The following APLF variants were observed in gnomAD, a reference collection of about 807,000 sequenced individuals.
APLF encodes the protein aprataxin and PNKP like factor.
Under a neutral mutation model 55.6 loss-of-function variants are expected in APLF, and 61 were observed. That is an observed-to-expected ratio of 1.10 (90% CI 0.89 to 1.36). The LOEUF is 1.36. Ranked by LOEUF, APLF falls within the 40% of genes most tolerant of loss-of-function variation. The pLI, the probability that APLF is intolerant of heterozygous loss-of-function variation, is 0.00. For synonymous variants in APLF, 207 were observed against 214.8 expected (o/e 0.96, Z 0.32); for missense variants, 611 against 602.5 (o/e 1.01, Z -0.15).
chr2:68,491,335 T>C (rs1218880455), intron 2 of APLF, among the ~76,000 whole-genome samples: 1 of 152,212 alleles, frequency 6.6e-6, no homozygotes, highest in African/African-American at 2.4e-5. Flanking sequence ...ATAAGGCCCT[T>C]GAGTGTAGGA....
At chr2:68,495,197 C>G (rs1314748445) in intron 2 of APLF, among the ~76,000 whole-genome samples, 1 of 152,176 alleles carries the variant, frequency 6.6e-6, no homozygotes. Context: ...CAATAATTCT[C>G]CAAAGTCTTA....
intron 8 of APLF, among the ~76,000 whole-genome samples, chr2:68,553,582 G>A (rs1670924488): frequency 6.6e-6 from 1 of 151,982 alleles, no homozygotes; most frequent in South Asian, 2.1e-4. Context: ...GAGTTTTCAT[G>A]CATATGCATG....
chr2:68,491,184 C>G (rs1433138757), intron 2 of APLF, among the ~76,000 whole-genome samples: 1 of 152,168 alleles, frequency 6.6e-6, no homozygotes, highest in Non-Finnish European at 1.5e-5. Flanking sequence ...GTCTCATCTT[C>G]ATTCTGCATT....
chr2:68,578,374 G>A lies in APLF; in HGVS notation c.*352G>A. 1 of 1,023,618 alleles carries A rather than the reference G, an allele frequency of 9.8e-7. No individual in the cohort carries two copies. The highest frequency in any genetic ancestry group is 3.8e-5 in the South Asian group (1 of 26,528). The allele number at this position is 1,023,618 out of a possible 1,614,324, so 63.4% of individuals were successfully genotyped here. On this transcript the variant is annotated 3_prime_UTR_variant, in exon 10 of 10. Coordinates refer to ENST00000303795, the MANE Select transcript of APLF (RefSeq NM_173545.3). ...TTTTAAATTTTTTTCCAAAGATTAT[G>A]GAGTACTCTGCAAGTATAACCAGGC...
chr2:68,544,992 G>T (rs1299690400), intron 7 of APLF, among the ~76,000 whole-genome samples, 195 bp from the exon 8 acceptor site: 4 of 152,102 alleles, frequency 2.6e-5, no homozygotes, highest in Admixed American at 2.6e-4. Flanking sequence ...TGAGAGTCCT[G>T]TACTGAGTTT....
intron 3 of APLF, among the ~76,000 whole-genome samples, chr2:68,505,440 TCA>T (rs1676847065): frequency 6.6e-6 from 1 of 152,018 alleles, no homozygotes; most frequent in Non-Finnish European, 1.5e-5. Flanking sequence ...AGGGCAAGTG[TCA>T]CACTTTAAAT....
At chr2:68,571,426 A>T (rs1298486452) in intron 9 of APLF, among the ~76,000 whole-genome samples, 1 of 152,094 alleles carries the variant, frequency 6.6e-6, no homozygotes, top group Non-Finnish European at 1.5e-5. Context: ...TTATGGTTTT[A>T]GGTCTAACAT....
chr2:68,522,733 T>C (rs1022705672), intron 5 of APLF, among the ~76,000 whole-genome samples: 4 of 151,904 alleles, frequency 2.6e-5, no homozygotes, highest in Non-Finnish European at 4.4e-5. Context: ...TATAAACACA[T>C]ATCAGTTCAA....
At chr2:68,521,435 T>C (rs1338895369) in intron 5 of APLF, among the ~76,000 whole-genome samples, 2 of 151,790 alleles carry the variant, frequency 1.3e-5, no homozygotes, top group African/African-American at 4.8e-5. Context: ...ATAGTTCTAA[T>C]TTATTTTATT....
At position 68,551,604 on chromosome 2, in the gene APLF, T is replaced by TTC. The variant is rs1491102114; in HGVS notation, c.1286+6293_1286+6294insCT. Among the ~76,000 whole-genome samples the TTC allele has an allele frequency of 2.6e-3, 247 of 94,240 alleles. 2 individuals are homozygous for TTC. The highest frequency in any genetic ancestry group is 8.6e-3 in the African/African-American group (181 of 21,104). 61.8% of individuals were successfully genotyped at this position (94,240 alleles called of 152,430 possible). ...GATGTTTATTTAATTCTTCTTCTTC[T>TTC]TTTTTTTTTTTTTTTTGGCCAATTC... On this transcript the variant is annotated intron_variant, in intron 8 of 9. Transcript: ENST00000303795.
intron 9 of APLF, among the ~76,000 whole-genome samples, chr2:68,577,477 T>A (rs973939218): frequency 6.6e-6 from 1 of 152,056 alleles, no homozygotes; most frequent in African/African-American, 2.4e-5. Context: ...CACTGAGAAG[T>A]GAGGAAGTAT....
chr2:68,535,791 C>T (rs1220397337), intron 6 of APLF, among the ~76,000 whole-genome samples: 1 of 152,030 alleles, frequency 6.6e-6, no homozygotes, highest in African/African-American at 2.4e-5. Context: ...ATTGCCATCC[C>T]AACCCCCTAG....
intron 6 of APLF, among the ~76,000 whole-genome samples, chr2:68,530,328 A>G (rs1452273195): frequency 1.3e-5 from 2 of 152,146 alleles, no homozygotes; most frequent in South Asian, 2.1e-4. Context: ...TCACTTCAAC[A>G]TACAAGTTGA....
intron 1 of APLF, among the ~76,000 whole-genome samples, chr2:68,489,173 G>A (rs150011586): frequency 3.9e-5 from 6 of 152,258 alleles, no homozygotes; most frequent in African/African-American, 1.4e-4. Context: ...CCTTAAGTGT[G>A]GAACAGCTAT....
In APLF at chr2:68,550,432, A is replaced by G. The variant is rs368666528; in HGVS notation, c.1286+5120A>G. On this transcript the variant is annotated intron_variant, in intron 8 of 9. Transcript: ENST00000303795. ...TTTTTAGTAGAGACGGGGTTTCACT[A>G]TGTTGGCCAGGCTGGTCTCAAACTT... is the stretch of plus-strand genomic sequence containing the variant. Among the ~76,000 whole-genome samples the G allele has an allele frequency of 2.6e-4, 40 of 152,140 alleles. 1 individual carries two copies. Among genetic ancestry groups the G allele is most frequent in the African/African-American group, 9.4e-4 (39 of 41,544 alleles).
Position 68,579,491 on chromosome 2 carries a change from A to G in APLF, c.*1469A>G, listed in dbSNP as rs757299096. The G allele has an allele frequency of 2.9e-4, 214 of 747,800 alleles. No individual in the cohort carries two copies. The highest frequency in any genetic ancestry group is 3.3e-4 in the Non-Finnish European group (201 of 613,402). The allele number at this position is 747,800 out of a possible 1,614,324, so 46.3% of individuals were successfully genotyped here. ...CATTTCCACATAAAAACTGTACACA[A>G]TGTCAATAGAAGCATTATTCTTAAC... On this transcript the variant is annotated 3_prime_UTR_variant, in exon 10 of 10. Transcript: ENST00000303795.
chr2:68,580,136 G>A lies in APLF; in HGVS notation c.*2114G>A, dbSNP rs1217907962. ...GAAGACACTTTTGAGTATAACTATT[G>A]TATAAATAAATGTATAGCTTAATTG... On this transcript the variant is annotated 3_prime_UTR_variant, in exon 10 of 10. Transcript: ENST00000303795. 4.3e-6 allele frequency: 4 copies of A among 931,898 alleles called. No homozygotes were observed. The African/African-American group carries it at 7.1e-5, about 17-fold the overall frequency. The allele number at this position is 931,898 out of a possible 1,614,324, so 57.7% of individuals were successfully genotyped here. A position where few individuals can be genotyped will look rare whatever the true frequency, so the allele number is the denominator to read the frequency against.
At chr2:68,527,627 C>T (rs145326147) in intron 6 of APLF, among the ~76,000 whole-genome samples, 34 of 147,570 alleles carry the variant, frequency 2.3e-4, no homozygotes, top group Admixed American at 4.7e-4. Context: ...GGATGGCAGC[C>T]GGGCAGAGGC....
chr2:68,560,576 C>T (rs1455692636), intron 8 of APLF, among the ~76,000 whole-genome samples: 3 of 151,904 alleles, frequency 2.0e-5, no homozygotes, highest in Admixed American at 6.6e-5. Flanking sequence ...TCATTAAAAT[C>T]AGAATAATGT....
Sources: gnomAD v4.1 joint callset for allele counts (sites outside exome capture counted in the v4.1 genomes callset) on GRCh38, gnomAD v4.1.1 for gene constraint, MANE v1.5 for transcripts, NCBI Gene and HGNC (gene_info 2026-07-23, HGNC 2026-07-21) for gene names.